Variants in KCNIP4 observed in about 807,000 individuals in gnomAD.
The protein encoded by KCNIP4 is potassium voltage-gated channel interacting protein 4, also known as Kv channel-interacting protein 4.
In KCNIP4, 12 loss-of-function variants were observed where a neutral mutation model predicts 34.0. The observed-to-expected ratio is 0.35, with a 90% CI of 0.23 to 0.57. The LOEUF (loss-of-function observed/expected upper bound fraction) is 0.57, where lower values mean the gene tolerates loss of function less well. Among genes scored for constraint, KCNIP4 ranks in the 20% least tolerant of loss-of-function variants. KCNIP4 has a pLI of 0.83. For missense variants in KCNIP4, 238 were observed against 311.7 expected (o/e 0.76, Z 1.78); for synonymous variants, 124 against 102.2 (o/e 1.21, Z -1.29).
At chr4:21,864,471 A>C (rs927085260) in intron 1 of KCNIP4, among the ~76,000 whole-genome samples, 2 of 152,206 alleles carry the variant, frequency 1.3e-5, no homozygotes, top group Non-Finnish European at 2.9e-5. Context: ...CCCTATATGA[A>C]AAAGCAATGA....
At position 21,683,894 on chromosome 4, in the gene KCNIP4, G is replaced by A. The variant is rs1011573856; in HGVS notation, c.61+264677C>T. Among the ~76,000 whole-genome samples the A allele has an allele frequency of 3.3e-4, 50 of 152,052 alleles. 1 individual carries two copies. The highest frequency in any genetic ancestry group is 6.5e-5 in the Admixed American group (1 of 15,268). Reference sequence around the variant, plus strand: ...TTGTCCCAGTTACTCGAGACTGTACGTGTTCTCACTTCTAAGTGGGAGCTA... The same window carrying A: ...TTGTCCCAGTTACTCGAGACTGTACATGTTCTCACTTCTAAGTGGGAGCTA... On this transcript the variant is annotated intron_variant, in intron 1 of 8. Transcript: ENST00000382152.
At chr4:21,249,900 C>T (rs1760565953) in intron 1 of KCNIP4, among the ~76,000 whole-genome samples, 1 of 152,028 alleles carries the variant, frequency 6.6e-6, no homozygotes. Context: ...TAGCCATTTG[C>T]TTAAGTATTC....
At chr4:20,954,890 A>G (rs142891598) in intron 1 of KCNIP4, among the ~76,000 whole-genome samples, 54 of 152,304 alleles carry the variant, frequency 3.5e-4, no homozygotes, top group African/African-American at 1.3e-3. Context: ...TTTCTGGGAA[A>G]TGATCTGAAT....
At chr4:21,901,015 A>T (rs757315797) in intron 1 of KCNIP4, among the ~76,000 whole-genome samples, 4 of 152,176 alleles carry the variant, frequency 2.6e-5, no homozygotes, top group Non-Finnish European at 5.9e-5. Context: ...ATTTTATGCT[A>T]CTTTTAAGGT....
intron 1 of KCNIP4, among the ~76,000 whole-genome samples, chr4:21,348,835 C>T (rs1717719426): frequency 6.6e-6 from 1 of 152,152 alleles, no homozygotes; most frequent in African/African-American, 2.4e-5. Context: ...AAATGAGTGC[C>T]ATGAGTTCTG....
intron 3 of KCNIP4, among the ~76,000 whole-genome samples, chr4:20,836,350 A>G (rs568355745): frequency 1.6e-4 from 25 of 152,168 alleles, no homozygotes; most frequent in South Asian, 6.2e-4. Flanking sequence ...TGCTTCTTTC[A>G]TTACTGGTTT....
chr4:20,924,091 C>T (rs1222034813), intron 1 of KCNIP4, among the ~76,000 whole-genome samples: 1 of 152,122 alleles, frequency 6.6e-6, no homozygotes, highest in African/African-American at 2.4e-5. Flanking sequence ...ATGACTGATA[C>T]ATCCTAATTA....
intron 1 of KCNIP4, among the ~76,000 whole-genome samples, chr4:21,371,616 C>T (rs774160260): frequency 1.4e-5 from 2 of 146,804 alleles, no homozygotes; most frequent in Non-Finnish European, 2.9e-5. Flanking sequence ...TACCTGTATG[C>T]CTGACACACA....
At chr4:20,746,963 A>G (rs1166928431) in intron 5 of KCNIP4, among the ~76,000 whole-genome samples, 1 of 152,186 alleles carries the variant, frequency 6.6e-6, no homozygotes, top group East Asian at 1.9e-4. Flanking sequence ...CCAGGTAGCT[A>G]ATCAATTTAG....
At chr4:20,940,594 G>A (rs999569950) in intron 1 of KCNIP4, among the ~76,000 whole-genome samples, 3 of 152,104 alleles carry the variant, frequency 2.0e-5, no homozygotes, top group Admixed American at 2.0e-4. Flanking sequence ...CATTTCTTGT[G>A]TAGTAATTTC....
At chr4:21,744,438 A>G (rs976195848) in intron 1 of KCNIP4, among the ~76,000 whole-genome samples, 2 of 152,214 alleles carry the variant, frequency 1.3e-5, no homozygotes, top group Non-Finnish European at 2.9e-5. Flanking sequence ...ATTAATATCC[A>G]GAGGTGAGAA....
intron 1 of KCNIP4, among the ~76,000 whole-genome samples, chr4:21,382,742 T>A (rs181520984): frequency 6.6e-6 from 1 of 152,180 alleles, no homozygotes; most frequent in Non-Finnish European, 1.5e-5. Flanking sequence ...AAATCTGAAT[T>A]ATCCATGAAA....
intron 1 of KCNIP4, among the ~76,000 whole-genome samples, chr4:21,639,691 A>T: frequency 6.6e-6 from 1 of 152,324 alleles, no homozygotes; most frequent in Middle Eastern, 3.4e-3. Context: ...ATTCCATTAT[A>T]GATAGATAGA....
intron 1 of KCNIP4, among the ~76,000 whole-genome samples, chr4:21,834,354 A>C (rs1252604664): frequency 6.6e-6 from 1 of 152,138 alleles, no homozygotes; most frequent in Non-Finnish European, 1.5e-5. Context: ...CTTGGAAGCA[A>C]TTGTGAATGG....
intron 1 of KCNIP4, among the ~76,000 whole-genome samples, chr4:21,867,051 G>A (rs577807012): frequency 6.6e-5 from 10 of 152,158 alleles, no homozygotes; most frequent in Middle Eastern, 3.4e-3. Context: ...GATTACAGGC[G>A]TGAGCCACCA....
At chr4:21,260,396 C>T (rs1458379246) in intron 1 of KCNIP4, among the ~76,000 whole-genome samples, 8 of 152,154 alleles carry the variant, frequency 5.3e-5, no homozygotes, top group Non-Finnish European at 1.0e-4. Flanking sequence ...CTGTATTGCA[C>T]AGTACTGTTA....
At chr4:21,314,558 A>AT (rs534802057) in intron 1 of KCNIP4, among the ~76,000 whole-genome samples, 9 of 151,666 alleles carry the variant, frequency 5.9e-5, no homozygotes, top group African/African-American at 7.3e-5. Flanking sequence ...GCTGAAGGAT[A>AT]TTTTTTTTTA....
At chr4:21,172,312 A>G (rs577705421) in intron 1 of KCNIP4, among the ~76,000 whole-genome samples, 2 of 152,304 alleles carry the variant, frequency 1.3e-5, no homozygotes, top group African/African-American at 4.8e-5. Flanking sequence ...GATTACAGGC[A>G]TGAGCCACTG....
At chr4:21,382,641 C>T (rs1186568887) in intron 1 of KCNIP4, among the ~76,000 whole-genome samples, 1 of 152,148 alleles carries the variant, frequency 6.6e-6, no homozygotes, top group Non-Finnish European at 1.5e-5. Flanking sequence ...GTAACATCTA[C>T]ACCTGCAGTA....
Sources: gnomAD v4.1 joint callset for allele counts (sites outside exome capture counted in the v4.1 genomes callset) on GRCh38, gnomAD v4.1.1 for gene constraint, MANE v1.5 for transcripts, NCBI Gene and HGNC (gene_info 2026-07-23, HGNC 2026-07-21) for gene names.